VTI1A: variants seen among roughly 807,000 people sequenced by gnomAD.
VTI1A encodes vesicle transport through interaction with t-SNAREs 1A.
VTI1A carries 22 observed loss-of-function variants against 34.9 expected under a neutral mutation model. That is an observed-to-expected ratio of 0.63 (90% CI 0.45 to 0.90). VTI1A has a LOEUF of 0.90. VTI1A is among the 40% of genes least tolerant of loss of function. The probability of loss-of-function intolerance (pLI) is 0.00; values close to 1 mark genes in which losing one functional copy is unlikely to be tolerated. For missense variants in VTI1A, 268 were observed against 275.6 expected, an observed-to-expected ratio of 0.97 and a Z score of 0.20; for synonymous variants, 87 against 97.3, an observed-to-expected ratio of 0.89 and a Z score of 0.62.
intron 5 of VTI1A, among the ~76,000 whole-genome samples, chr10:112,598,379 A>C (rs1564842827): frequency 6.6e-6 from 1 of 152,164 alleles, no homozygotes; most frequent in Non-Finnish European, 1.5e-5. Flanking sequence ...TCAGTCTCCA[A>C]ATGTACCTTT....
At chr10:112,662,315 T>G (rs1433085482) in intron 5 of VTI1A, among the ~76,000 whole-genome samples, 2 of 152,220 alleles carry the variant, frequency 1.3e-5, no homozygotes, top group East Asian at 3.8e-4. Context: ...CCACTTGTTA[T>G]AACCTCACAA....
chr10:112,798,809 C>A (rs897910924), intron 7 of VTI1A, among the ~76,000 whole-genome samples: 4 of 152,214 alleles, frequency 2.6e-5, no homozygotes, highest in Admixed American at 6.5e-5. Context: ...GCTGCCTTTG[C>A]TCCTCATCCT....
intron 7 of VTI1A, among the ~76,000 whole-genome samples, chr10:112,761,892 T>A (rs1851480962): frequency 6.6e-6 from 1 of 152,148 alleles, no homozygotes; most frequent in Admixed American, 6.5e-5. Context: ...TAAGAAACTA[T>A]CTTATTTTGT....
chr10:112,488,604 G>T (rs144047843), intron 3 of VTI1A, among the ~76,000 whole-genome samples: 19 of 152,252 alleles, frequency 1.2e-4, no homozygotes, highest in Middle Eastern at 3.4e-3. Flanking sequence ...GTTACTTCCA[G>T]TGTACCACTT....
chr10:112,702,952 A>G (rs1437470855), intron 7 of VTI1A, among the ~76,000 whole-genome samples: 1 of 152,210 alleles, frequency 6.6e-6, no homozygotes, highest in Non-Finnish European at 1.5e-5. Flanking sequence ...CTCTAGTATT[A>G]ACTAATTGGG....
At chr10:112,539,599 A>G (rs1850785396) in intron 5 of VTI1A, among the ~76,000 whole-genome samples, 1 of 152,150 alleles carries the variant, frequency 6.6e-6, no homozygotes, top group Non-Finnish European at 1.5e-5. Context: ...GTTCTTGGGA[A>G]GAATGTGAAT....
intron 3 of VTI1A, among the ~76,000 whole-genome samples, chr10:112,477,241 G>A (rs925670522): frequency 1.3e-5 from 2 of 152,148 alleles, no homozygotes; most frequent in African/African-American, 4.8e-5. Flanking sequence ...TAACAACTGT[G>A]CAGTCAAATT....
intron 7 of VTI1A, among the ~76,000 whole-genome samples, chr10:112,812,299 T>C (rs1370931121): frequency 1.3e-5 from 2 of 152,230 alleles, no homozygotes; most frequent in African/African-American, 4.8e-5. Flanking sequence ...CAGACCTAGT[T>C]CAACATAAAG....
rs1853523920 is a variant in VTI1A, at chr10:112,816,408, ACCT to A, written c.*1029_*1031del. 4.5e-6 allele frequency: 1 copy of A among 224,708 alleles called. No homozygotes were observed. The highest frequency in any genetic ancestry group is 8.9e-6 in the Non-Finnish European group (1 of 112,810). The allele number at this position is 224,708 out of a possible 1,614,324, so 13.9% of individuals were successfully genotyped here. A position where few individuals can be genotyped will look rare whatever the true frequency, so the allele number is the denominator to read the frequency against. ...TAAACTTCACGGAAAACGTTCCCTA[ACCT>A]CCTTTAAAAGAATAGAGGATGGCAG... On this transcript the variant is annotated 3_prime_UTR_variant, in exon 8 of 8. Transcript: ENST00000393077.
intron 5 of VTI1A, among the ~76,000 whole-genome samples, chr10:112,656,552 G>C (rs1272289957): frequency 8.3e-6 from 1 of 120,354 alleles, no homozygotes; most frequent in African/African-American, 2.9e-5. Context: ...TTTGAGACAG[G>C]GTTTCCCTGC....
intron 5 of VTI1A, among the ~76,000 whole-genome samples, chr10:112,638,587 A>G (rs911039136): frequency 2.0e-5 from 3 of 152,162 alleles, no homozygotes; most frequent in African/African-American, 7.2e-5. Flanking sequence ...TTGAAATGTA[A>G]CCTATTACAT....
At chr10:112,702,894 T>A (rs1399766155) in intron 7 of VTI1A, among the ~76,000 whole-genome samples, 1 of 152,176 alleles carries the variant, frequency 6.6e-6, no homozygotes, top group African/African-American at 2.4e-5. Context: ...CTCTGCCCTA[T>A]TTTTTAACCT....
At chr10:112,605,236 C>A (rs1320363213) in intron 5 of VTI1A, among the ~76,000 whole-genome samples, 1 of 152,046 alleles carries the variant, frequency 6.6e-6, no homozygotes, top group Admixed American at 6.6e-5. Context: ...AGAGGAAGAA[C>A]GATATGTGTA....
At chr10:112,490,280 A>T (rs2134122120) in intron 3 of VTI1A, among the ~76,000 whole-genome samples, 1 of 152,364 alleles carries the variant, frequency 6.6e-6, no homozygotes, top group African/African-American at 2.4e-5. Flanking sequence ...AAAAAGTCTT[A>T]CAACCTGTCG....
chr10:112,821,762 C>T (rs773979602), downstream of VTI1A, among the ~76,000 whole-genome samples: 4 of 152,232 alleles, frequency 2.6e-5, no homozygotes, highest in African/African-American at 4.8e-5. Context: ...ATTCAACAGA[C>T]GTGCATCAGC....
chr10:112,500,864 C>G (rs763808729), intron 3 of VTI1A, among the ~76,000 whole-genome samples: 1 of 152,182 alleles, frequency 6.6e-6, no homozygotes, highest in Non-Finnish European at 1.5e-5. Context: ...TTTATACATG[C>G]TATGTCCTTA....
At position 112,599,432 on chromosome 10, in the gene VTI1A, G is replaced by A. The variant is rs895896362; in HGVS notation, c.427+61102G>A. Reference sequence around the variant, plus strand: ...TCTTGGATCTTCGAGCATAGCTAGGGCGTATGCATGTGAGAAGTTAAATAT... The same window carrying A: ...TCTTGGATCTTCGAGCATAGCTAGGACGTATGCATGTGAGAAGTTAAATAT... On this transcript the variant is annotated intron_variant, in intron 5 of 7. Coordinates refer to ENST00000393077, the MANE Select transcript of VTI1A (RefSeq NM_145206.4). Among the ~76,000 whole-genome samples the A allele has an allele frequency of 6.6e-5, 10 of 152,280 alleles. No individual in the cohort carries two copies. The South Asian group carries it at 1.9e-3, about 28-fold the overall frequency.
At chr10:112,849,596 G>A in the VTI1A span, among the ~76,000 whole-genome samples, 6 of 152,186 alleles carry the variant, frequency 3.9e-5, no homozygotes, top group African/African-American at 9.7e-5. Flanking sequence ...CAGCCCTGAG[G>A]AAGGAATTAC....
At chr10:112,479,695 A>T (rs1848401463) in intron 3 of VTI1A, among the ~76,000 whole-genome samples, 1 of 152,178 alleles carries the variant, frequency 6.6e-6, no homozygotes, top group South Asian at 2.1e-4. Flanking sequence ...TTCTGAAAAT[A>T]ATCATTTACA....
Sources: gnomAD v4.1 joint callset for allele counts (sites outside exome capture counted in the v4.1 genomes callset) on GRCh38, gnomAD v4.1.1 for gene constraint, MANE v1.5 for transcripts, NCBI Gene and HGNC (gene_info 2026-07-23, HGNC 2026-07-21) for gene names.